Variants in SCN11A observed in about 807,000 individuals in gnomAD.
SCN11A encodes sodium voltage-gated channel alpha subunit 11.
Under a neutral mutation model 162.2 loss-of-function variants are expected in SCN11A, and 122 were observed. The ratio of observed to expected loss-of-function variants is 0.75; its 90% CI spans 0.65 to 0.87. The LOEUF is 0.87. Among genes scored for constraint, SCN11A ranks in the 40% least tolerant of loss-of-function variants. SCN11A has a pLI of 0.00. For synonymous variants in SCN11A, 758 were observed against 751.5 expected (o/e 1.01, Z -0.14); for missense variants, 2,015 against 2,181.6 (o/e 0.92, Z 1.52).
chr3:39,051,374 G>A (rs1400194628), intron 1 of SCN11A, among the ~76,000 whole-genome samples: 1 of 152,010 alleles, frequency 6.6e-6, no homozygotes, highest in Non-Finnish European at 1.5e-5. Context: ...GAGAACGTGC[G>A]GTATTTGGTT....
chr3:38,897,214 G>C lies in SCN11A; in HGVS notation c.2034C>G (p.Phe678Leu), dbSNP rs981721148. 3.1e-6 allele frequency: 5 copies of C among 1,609,050 alleles called. No individual in the cohort carries two copies. The highest frequency in any genetic ancestry group is 4.2e-6 in the Non-Finnish European group (5 of 1,177,584). The part of the protein sequence containing the change: ...FLRSFRVLRV[F>L]KLAKSWPTLN... ...AAGTTGGCCAGGATTTGGCTAACTT[G>C]AAGACCCTGAGCTGTAGAAAAAGAC... The change falls in exon 18 of 30, where the codon TTC becomes TTG. Residue 678 changes from phenylalanine (F) to leucine (L), a missense_variant. Coordinates refer to ENST00000302328, the MANE Select transcript of SCN11A (RefSeq NM_001349253.2).
chr3:39,023,889 C>A (rs567907149), intron 2 of SCN11A, among the ~76,000 whole-genome samples: 1 of 152,110 alleles, frequency 6.6e-6, no homozygotes, highest in Non-Finnish European at 1.5e-5. Context: ...GTGATCTGCC[C>A]GCCTTGGCCT....
chr3:38,933,938 T>A (rs917654727), intron 7 of SCN11A, among the ~76,000 whole-genome samples: 1 of 152,066 alleles, frequency 6.6e-6, no homozygotes, highest in Admixed American at 6.5e-5. Flanking sequence ...TTACCAAAGT[T>A]GAAATGAAGG....
chr3:39,007,239 A>G (rs536746180), intron 2 of SCN11A, among the ~76,000 whole-genome samples: 7 of 152,210 alleles, frequency 4.6e-5, no homozygotes, highest in African/African-American at 7.2e-5. Flanking sequence ...CTCTAAAAAA[A>G]TTTTAAACAA....
chr3:38,970,315 T>C (rs780630736), intron 2 of SCN11A, among the ~76,000 whole-genome samples: 12 of 152,214 alleles, frequency 7.9e-5, no homozygotes, highest in Non-Finnish European at 1.0e-4. Context: ...ATTTTTTGCA[T>C]GCATGCCCTT....
At chr3:38,903,184 C>T (rs1014989143) in intron 16 of SCN11A, among the ~76,000 whole-genome samples, 1 of 152,078 alleles carries the variant, frequency 6.6e-6, no homozygotes, top group African/African-American at 2.4e-5. Context: ...TAGATCATCC[C>T]GTGGGCAATT....
rs1298237017 is a variant in SCN11A, at chr3:38,894,683, C to CT, written c.2684dup (p.Glu896GlyfsTer17). The CT allele has an allele frequency of 1.9e-6, 3 of 1,614,036 alleles. No individual in the cohort carries two copies. The highest frequency in any genetic ancestry group is 2.5e-6 in the Non-Finnish European group (3 of 1,180,018). Reference sequence around the variant, plus strand: ...GTACAGAGGTTAGTATACCAAGCTCCTCCTGGGTCTCTGAGCCCCTTTTCA... The same window carrying CT: ...GTACAGAGGTTAGTATACCAAGCTCCTTCCTGGGTCTCTGAGCCCCTTTTCA... On this transcript the variant is annotated frameshift_variant, in exon 19 of 30. Transcript: ENST00000302328. LOFTEE classifies it high-confidence loss of function.
At chr3:38,979,542 G>A (rs2029940131) in intron 2 of SCN11A, among the ~76,000 whole-genome samples, 1 of 152,198 alleles carries the variant, frequency 6.6e-6, no homozygotes, top group Non-Finnish European at 1.5e-5. Flanking sequence ...TGACAGATAG[G>A]CAGGGGCTTC....
At chr3:38,997,283 G>C (rs1382241429) in intron 2 of SCN11A, among the ~76,000 whole-genome samples, 2 of 152,160 alleles carry the variant, frequency 1.3e-5, no homozygotes, top group Non-Finnish European at 2.9e-5. Context: ...CAGTCTTCCT[G>C]ATGTTCCTGG....
chr3:38,892,141 T>G lies in SCN11A; in HGVS notation c.2835+2392A>C, dbSNP rs566747948. 3.9e-4 allele frequency among the ~76,000 whole-genome samples: 60 copies of G among 152,226 alleles called. No individual in the cohort carries two copies. The highest frequency in any genetic ancestry group is 1.3e-3 in the African/African-American group (54 of 41,538). ...CAGTGATATGATATATTCAAAGTGC[T>G]GAAAGAAAAAACAACAGTGAACCAA... On this transcript the variant is annotated intron_variant, in intron 19 of 29. Transcript: ENST00000302328.
intron 17 of SCN11A, among the ~76,000 whole-genome samples, chr3:38,899,683 G>C (rs1030299014): frequency 1.3e-5 from 2 of 152,118 alleles, no homozygotes; most frequent in African/African-American, 4.8e-5. Context: ...TGGCAGGAAT[G>C]GGCTAAGGGT....
At chr3:39,020,137 G>A (rs1314485532) in intron 2 of SCN11A, among the ~76,000 whole-genome samples, 2 of 152,168 alleles carry the variant, frequency 1.3e-5, no homozygotes, top group African/African-American at 4.8e-5. Flanking sequence ...TATCTCAAAT[G>A]GTTGCCCCAA....
chr3:38,887,040 C>T (rs1030024176), intron 19 of SCN11A, among the ~76,000 whole-genome samples: 6 of 152,170 alleles, frequency 3.9e-5, no homozygotes, highest in Non-Finnish European at 7.3e-5. Context: ...GCCTCCACTG[C>T]CTTTCCTTTC....
chr3:38,871,700 G>C lies in SCN11A; in HGVS notation c.3504C>G (p.Val1168=). The change falls in exon 25 of 30, where the codon GTC becomes GTG. Residue 1168 remains valine, a synonymous_variant. Coordinates refer to ENST00000302328, the MANE Select transcript of SCN11A (RefSeq NM_001349253.2). ...CAGGTATGGCACCTATGAGAGCATT[G>C]ACCACCACCTTATGGAAACAAAAGC... The part of the protein sequence containing the change: ...LSQFEGMKVV[V]NALIGAIPAI... The C allele has an allele frequency of 6.3e-7, 1 of 1,597,164 alleles. No homozygotes were observed. The highest frequency in any genetic ancestry group is 8.5e-7 in the Non-Finnish European group (1 of 1,174,494).
intron 26 of SCN11A, among the ~76,000 whole-genome samples, chr3:38,868,429 T>C (rs1056087715): frequency 6.6e-6 from 1 of 152,228 alleles, no homozygotes; most frequent in Non-Finnish European, 1.5e-5. Context: ...ATATTTAGCA[T>C]TAGACATTTA....
At chr3:38,876,160 G>GT (rs1159029139) in intron 23 of SCN11A, among the ~76,000 whole-genome samples, 11 of 152,098 alleles carry the variant, frequency 7.2e-5, no homozygotes, top group African/African-American at 2.7e-4. Flanking sequence ...ATAGCTACAG[G>GT]TAAGAGAATG....
intron 28 of SCN11A, among the ~76,000 whole-genome samples, chr3:38,860,846 C>G (rs2064951626): frequency 6.6e-6 from 1 of 152,184 alleles, no homozygotes; most frequent in Non-Finnish European, 1.5e-5. Context: ...AGGATGCCCA[C>G]TTTCACCACT....
intron 1 of SCN11A, among the ~76,000 whole-genome samples, chr3:39,038,824 A>T (rs1318369657): frequency 5.9e-5 from 9 of 152,260 alleles, no homozygotes; most frequent in African/African-American, 2.2e-4. Context: ...AAGTGAAAAC[A>T]CATAAAAGAA....
At chr3:38,889,802 A>AAAAAT (rs372120454) in intron 19 of SCN11A, among the ~76,000 whole-genome samples, 8,080 of 130,760 alleles carry the variant, frequency 0.062, 415 homozygotes, top group East Asian at 0.12. Flanking sequence ...TCCATCTCAA[A>AAAAAT]AAAATAAAAT....
Sources: gnomAD v4.1 joint callset for allele counts (sites outside exome capture counted in the v4.1 genomes callset) on GRCh38, gnomAD v4.1.1 for gene constraint, MANE v1.5 for transcripts, NCBI Gene and HGNC (gene_info 2026-07-23, HGNC 2026-07-21) for gene names.